Variants in GNG12 observed in about 807,000 individuals in gnomAD.
GNG12 encodes the protein guanine nucleotide-binding protein G(I)/G(S)/G(O) subunit gamma-12.
For synonymous variants in GNG12, 28 were observed against 29.7 expected (o/e 0.94, Z 0.19); for missense variants, 69 against 83.8 (o/e 0.82, Z 0.69).
At chr1:67,791,915 C>T (rs1298742) in intron 1 of GNG12, among the ~76,000 whole-genome samples, 2,689 of 152,302 alleles carry the variant, frequency 0.018, 96 homozygotes, top group African/African-American at 0.062. Flanking sequence ...TTGGCTCACT[C>T]TATCCAGCCA....
chr1:67,817,728 G>T (rs1203962769), intron 1 of GNG12, among the ~76,000 whole-genome samples: 1 of 151,648 alleles, frequency 6.6e-6, no homozygotes, highest in Non-Finnish European at 1.5e-5. Flanking sequence ...TAAACAGTTG[G>T]TGTTTGGTGT....
Position 67,763,597 on chromosome 1 carries a change from A to G in GNG12, c.-27+13861T>C, listed in dbSNP as rs561186109. On this transcript the variant is annotated intron_variant, in intron 2 of 3. Coordinates refer to ENST00000370982, the MANE Select transcript of GNG12 (RefSeq NM_018841.6). The stretch of plus-strand genomic sequence containing the variant: ...ACCCAAGTTAGAGTGCAGTGGTGCA[A>G]TCACATAGCTCTACAGCCTCAAACT... 2.6e-5 allele frequency among the ~76,000 whole-genome samples: 4 copies of G among 152,084 alleles called. No individual in the cohort carries two copies. In the East Asian group the frequency reaches 5.8e-4, roughly 22 times the overall value.
At chr1:67,827,195 T>C (rs1420080714) in intron 1 of GNG12, among the ~76,000 whole-genome samples, 1 of 152,206 alleles carries the variant, frequency 6.6e-6, no homozygotes, top group Non-Finnish European at 1.5e-5. Context: ...AAGGGGATCC[T>C]ATGTCAATTA....
intron 1 of GNG12, among the ~76,000 whole-genome samples, chr1:67,811,014 G>C (rs1030007283): frequency 6.6e-6 from 1 of 152,144 alleles, no homozygotes; most frequent in Non-Finnish European, 1.5e-5. Flanking sequence ...CTGGAAACTG[G>C]TTAAAAATGC....
chr1:67,722,436 G>A (rs893655497), intron 2 of GNG12, among the ~76,000 whole-genome samples: 1 of 152,170 alleles, frequency 6.6e-6, no homozygotes, highest in Non-Finnish European at 1.5e-5. Flanking sequence ...ACTCCAGCAC[G>A]ATGGACTGAG....
intron 2 of GNG12, among the ~76,000 whole-genome samples, chr1:67,741,779 T>C (rs1646483992): frequency 6.6e-6 from 1 of 152,214 alleles, no homozygotes; most frequent in South Asian, 2.1e-4. Flanking sequence ...CCTGTTTTAT[T>C]TGGCCTACAG....
chr1:67,739,573 C>G (rs909126886), intron 2 of GNG12, among the ~76,000 whole-genome samples: 3 of 152,184 alleles, frequency 2.0e-5, no homozygotes, highest in Non-Finnish European at 4.4e-5. Context: ...TCAGAGATAG[C>G]TTTTTGAAAG....
intron 1 of GNG12, among the ~76,000 whole-genome samples, chr1:67,781,008 C>T (rs1218357725): frequency 2.0e-5 from 3 of 152,148 alleles, no homozygotes; most frequent in African/African-American, 7.2e-5. Context: ...ATCTAAACTC[C>T]CCTCAGATGG....
intron 1 of GNG12, among the ~76,000 whole-genome samples, chr1:67,786,806 A>T (rs983796838): frequency 1.3e-5 from 2 of 152,118 alleles, no homozygotes; most frequent in African/African-American, 4.8e-5. Context: ...GCATGATGGC[A>T]CGTGCCTGTA....
At chr1:67,790,391 C>T (rs527255528) in intron 1 of GNG12, among the ~76,000 whole-genome samples, 33 of 152,146 alleles carry the variant, frequency 2.2e-4, no homozygotes, top group African/African-American at 7.7e-4. Context: ...ATTGTACTAG[C>T]CAAAAAAACC....
intron 2 of GNG12, among the ~76,000 whole-genome samples, chr1:67,716,745 T>C (rs1646327861): frequency 6.6e-6 from 1 of 152,224 alleles, no homozygotes; most frequent in Non-Finnish European, 1.5e-5. Flanking sequence ...CAGGGGTTGC[T>C]GTTATTCAGA....
intron 2 of GNG12, among the ~76,000 whole-genome samples, chr1:67,724,617 T>G (rs969350271): frequency 6.7e-6 from 1 of 149,378 alleles, no homozygotes; most frequent in African/African-American, 2.5e-5. Flanking sequence ...CTCGAACTCC[T>G]GACCTCAGGA....
intron 1 of GNG12, among the ~76,000 whole-genome samples, chr1:67,829,193 AT>A (rs1423357997): frequency 6.6e-6 from 1 of 152,186 alleles, no homozygotes; most frequent in Non-Finnish European, 1.5e-5. Context: ...TTTAAAAATA[AT>A]TTTTAAGCTA....
At chr1:67,751,935 G>A in intron 2 of GNG12, among the ~76,000 whole-genome samples, 1 of 152,214 alleles carries the variant, frequency 6.6e-6, no homozygotes, top group East Asian at 1.9e-4. Flanking sequence ...TGGCACAACA[G>A]AGATGCCAGG....
At chr1:67,720,975 C>T (rs1244922531) in intron 2 of GNG12, among the ~76,000 whole-genome samples, 1 of 152,094 alleles carries the variant, frequency 6.6e-6, no homozygotes, top group Non-Finnish European at 1.5e-5. Flanking sequence ...GTTTTATTAA[C>T]CCATTTTCCA....
At chr1:67,728,073 C>T (rs1484272724) in intron 2 of GNG12, among the ~76,000 whole-genome samples, 1 of 152,182 alleles carries the variant, frequency 6.6e-6, no homozygotes, top group Non-Finnish European at 1.5e-5. Context: ...AGAAGCAGAT[C>T]ATACCTGCAC....
chr1:67,766,128 A>T (rs1646636830), intron 2 of GNG12, among the ~76,000 whole-genome samples: 1 of 151,284 alleles, frequency 6.6e-6, no homozygotes, highest in Non-Finnish European at 1.5e-5. Context: ...ACACACACAC[A>T]CACACACACA....
chr1:67,779,003 T>C (rs1255522961), intron 1 of GNG12, among the ~76,000 whole-genome samples: 2 of 152,116 alleles, frequency 1.3e-5, no homozygotes, highest in Non-Finnish European at 2.9e-5. Context: ...TGGAGGTTTG[T>C]CTGGATGACC....
At chr1:67,766,145 CA>C (rs1557610125) in intron 2 of GNG12, among the ~76,000 whole-genome samples, 36 of 141,630 alleles carry the variant, frequency 2.5e-4, no homozygotes, top group East Asian at 9.9e-4. Flanking sequence ...CACACACACA[CA>C]CACCCCTAAA....
Sources: gnomAD v4.1 joint callset for allele counts (sites outside exome capture counted in the v4.1 genomes callset) on GRCh38, gnomAD v4.1.1 for gene constraint, MANE v1.5 for transcripts, NCBI Gene and HGNC (gene_info 2026-07-23, HGNC 2026-07-21) for gene names.